The following COL4A4 variants were observed in gnomAD, a reference collection of about 807,000 sequenced individuals.
COL4A4 encodes the protein collagen type IV alpha 4 chain, also known as collagen alpha-4(IV) chain.
COL4A4 carries 105 observed loss-of-function variants against 192.9 expected under a neutral mutation model. The ratio of observed to expected loss-of-function variants is 0.54; its 90% CI spans 0.46 to 0.64. The LOEUF (loss-of-function observed/expected upper bound fraction) is 0.64. Ranked by LOEUF, COL4A4 falls within the 30% of genes least tolerant of loss-of-function variation. The pLI, the probability that COL4A4 is intolerant of heterozygous loss-of-function variation, is 0.00. For missense variants in COL4A4, 1,967 were observed against 2,169.3 expected (o/e 0.91, Z 1.85); for synonymous variants, 762 against 769.9 (o/e 0.99, Z 0.17).
chr2:227,013,046 T>A (rs1964135126), intron 44 of COL4A4, among the ~76,000 whole-genome samples: 1 of 152,184 alleles, frequency 6.6e-6, no homozygotes, highest in Non-Finnish European at 1.5e-5. Context: ...GAGCTCTGGA[T>A]ATAACCTGGG....
chr2:227,041,820 G>GAA (rs1282649152), intron 37 of COL4A4, among the ~76,000 whole-genome samples: 1 of 37,684 alleles, frequency 2.7e-5, no homozygotes, highest in African/African-American at 1.8e-4. Flanking sequence ...AAGAAAGAAA[G>GAA]AAAGAAAGAA....
chr2:227,137,148 C>T (rs945032833), intron 4 of COL4A4, among the ~76,000 whole-genome samples: 5 of 152,156 alleles, frequency 3.3e-5, no homozygotes, highest in Admixed American at 3.3e-4. Flanking sequence ...GAGTGCCGCT[C>T]AGGACTGGGA....
chr2:227,009,758 G>A (rs989475928), intron 46 of COL4A4, among the ~76,000 whole-genome samples: 4 of 146,036 alleles, frequency 2.7e-5, no homozygotes, highest in Non-Finnish European at 4.5e-5. Context: ...GAGAAGAGAA[G>A]AGGGGAGGGG....
chr2:227,034,736 T>G (rs1221471614), intron 37 of COL4A4, among the ~76,000 whole-genome samples: 4 of 91,014 alleles, frequency 4.4e-5, no homozygotes, highest in Non-Finnish European at 8.0e-5. Flanking sequence ...CCCACAACAG[T>G]CCCCAGAGTG....
rs1962264858 is a variant in COL4A4 at position 227,006,915 on chromosome 2, T to C, written c.*410A>G. ...TCATTGACCTGTTTATTTTTTCCTATAAAATCCATCCAGAAGCCCACTGTA... is the reference window on the plus strand; with the variant it reads ...TCATTGACCTGTTTATTTTTTCCTACAAAATCCATCCAGAAGCCCACTGTA... On this transcript the variant is annotated 3_prime_UTR_variant, in exon 48 of 48. Coordinates refer to ENST00000396625, the MANE Select transcript of COL4A4 (RefSeq NM_000092.5). 5.6e-6 allele frequency: 1 copy of C among 179,862 alleles called. No individual in the cohort carries two copies. Among genetic ancestry groups the C allele is most frequent in the Admixed American group, 5.4e-5 (1 of 18,610 alleles). The allele number at this position is 179,862 out of a possible 1,614,324, so 11.1% of individuals were successfully genotyped here.
At position 227,088,795 on chromosome 2, in the gene COL4A4, C is replaced by G; in HGVS notation, c.1481G>C (p.Cys494Ser). Reference protein sequence around the residue: ...GEKGNEGLCACEPGPMGPPGP... With the variant: ...GEKGNEGLCASEPGPMGPPGP... ...AGGGGGGCCCATGGGTCCAGGCTCA[C>G]AGGCACAGAGTCCTTCATTTCCTAG... The change falls in exon 22 of 48, where the codon TGT becomes TCT. Residue 494 changes from cysteine to serine, a missense_variant. Cys to Ser is a moderately radical substitution (Grantham distance 112, BLOSUM62 -1). Coordinates refer to ENST00000396625, the MANE Select transcript of COL4A4 (RefSeq NM_000092.5). The G allele has an allele frequency of 6.2e-7, 1 of 1,614,168 alleles. No homozygotes were observed. The highest frequency in any genetic ancestry group is 8.5e-7 in the Non-Finnish European group (1 of 1,180,032).
At chr2:226,986,410 T>C in the COL4A4 span, among the ~76,000 whole-genome samples, 4 of 152,210 alleles carry the variant, frequency 2.6e-5, no homozygotes, top group African/African-American at 9.7e-5. Flanking sequence ...GGGAATAGAC[T>C]TGTCTGCAGT....
chr2:227,126,912 T>C (rs998238705), intron 4 of COL4A4, among the ~76,000 whole-genome samples: 4 of 152,230 alleles, frequency 2.6e-5, no homozygotes, highest in Middle Eastern at 3.2e-3. Context: ...AAGGTTATAA[T>C]AGAATTCACT....
chr2:227,024,038 C>G (rs1008605813), intron 43 of COL4A4, among the ~76,000 whole-genome samples: 1 of 151,704 alleles, frequency 6.6e-6, no homozygotes, highest in African/African-American at 2.4e-5. Flanking sequence ...CAAAAAAAAC[C>G]ACTCAGGCTC....
intron 8 of COL4A4, among the ~76,000 whole-genome samples, chr2:227,112,514 C>T (rs1188171161): frequency 6.6e-6 from 1 of 152,222 alleles, no homozygotes; most frequent in African/African-American, 2.4e-5. Context: ...GGTAATCCAC[C>T]CGCCTTGGCC....
chr2:227,066,415 C>G (rs2058343820), intron 25 of COL4A4, among the ~76,000 whole-genome samples: 1 of 151,608 alleles, frequency 6.6e-6, no homozygotes, highest in African/African-American at 2.4e-5. Context: ...ACATAATTGT[C>G]AGATTCACCA....
chr2:227,145,344 G>T (rs1395211230), intron 2 of COL4A4, among the ~76,000 whole-genome samples: 1 of 152,098 alleles, frequency 6.6e-6, no homozygotes, highest in Non-Finnish European at 1.5e-5. Flanking sequence ...CTACTCCGGA[G>T]GCTGAGATAA....
In COL4A4 at chr2:227,055,997, T is replaced by C. The variant is rs1975238125; in HGVS notation, c.2664A>G (p.Gly888=). The change falls in exon 30 of 48, where the codon GGA becomes GGG. Residue 888 remains glycine (G), a synonymous_variant. Coordinates refer to ENST00000396625, the MANE Select transcript of COL4A4 (RefSeq NM_000092.5). ...CATCATCTCCAAAGGGACCTGGGAT[T>C]CCTGGGAGGCCTGGGGGACCATGTG... ...PGAHGPPGLP[G]IPGPFGDDGL... is the part of the protein sequence containing the mutation. 6.2e-7 allele frequency: 1 copy of C among 1,613,976 alleles called. No homozygotes were observed. The highest frequency in any genetic ancestry group is 8.5e-7 in the Non-Finnish European group (1 of 1,179,938).
In COL4A4 at chr2:227,118,483, A is replaced by C. The variant is rs552156690; in HGVS notation, c.489+162T>G. 2.2e-4 allele frequency among the ~76,000 whole-genome samples: 34 copies of C among 152,252 alleles called. No individual in the cohort carries two copies. The South Asian group carries it at 7.1e-3, about 32-fold the overall frequency. ...CATCCACAAAGTCCTGCATGTTCTA[A>C]GTCCTGCCTATCTCTCTGTCCTTAT... On this transcript the variant is annotated intron_variant, in intron 7 of 47. Transcript: ENST00000396625.
chr2:227,114,555 CTGAG>C (rs763202026), intron 8 of COL4A4, 69 bp downstream of exon 8: 8 of 1,164,940 alleles, frequency 6.9e-6, no homozygotes, highest in Non-Finnish European at 9.1e-6. Context: ...AAAATCCTGT[CTGAG>C]TATTTCCTGC....
rs1028091744 is a variant in COL4A4 at position 227,007,050 on chromosome 2, T to C, written c.*275A>G. ...TATCATCTACTTGCCTTTCTGAGAA[T>C]TAGCATATTTTTAAGTAAAGCCAGT... is the stretch of plus-strand genomic sequence containing the variant. On this transcript the variant is annotated 3_prime_UTR_variant, in exon 48 of 48. Coordinates refer to ENST00000396625, the MANE Select transcript of COL4A4 (RefSeq NM_000092.5). 34 of 499,950 alleles carry C rather than the reference T, an allele frequency of 6.8e-5. No homozygotes were observed. The highest frequency in any genetic ancestry group is 1.7e-4 in the African/African-American group (9 of 51,962). 31.0% of individuals were successfully genotyped at this position (499,950 alleles called of 1,614,324 possible). A position where few individuals can be genotyped will look rare whatever the true frequency, so the allele number is the denominator to read the frequency against.
the COL4A4 span, chr2:226,995,676 C>T: frequency 1.1e-5 from 7 of 627,360 alleles, no homozygotes; most frequent in Non-Finnish European, 2.0e-5. Flanking sequence ...AGTCCCATGG[C>T]CCCTATGAGT....
At chr2:227,163,663 G>A (rs1460640883) in intron 1 of COL4A4, among the ~76,000 whole-genome samples, 4 of 152,174 alleles carry the variant, frequency 2.6e-5, no homozygotes, top group African/African-American at 9.7e-5. Flanking sequence ...GTTTTGCCCT[G>A]CATTTCCGCA....
chr2:227,002,092 C>T (rs971665483), downstream of COL4A4, among the ~76,000 whole-genome samples: 2 of 149,530 alleles, frequency 1.3e-5, no homozygotes, highest in African/African-American at 4.9e-5. Context: ...ATCATTCGAG[C>T]CTGCGAGTTC....
Sources: gnomAD v4.1 joint callset for allele counts (sites outside exome capture counted in the v4.1 genomes callset) on GRCh38, gnomAD v4.1.1 for gene constraint, MANE v1.5 for transcripts, NCBI Gene and HGNC (gene_info 2026-07-23, HGNC 2026-07-21) for gene names.